Variants in PRKAR2B observed in about 807,000 individuals in gnomAD.
The protein encoded by PRKAR2B is protein kinase cAMP-dependent type II regulatory subunit beta, also known as cAMP-dependent protein kinase type II-beta regulatory subunit.
Under a neutral mutation model 49.9 loss-of-function variants are expected in PRKAR2B, and 14 were observed. The observed-to-expected ratio is 0.28, with a 90% CI of 0.19 to 0.44. The LOEUF (loss-of-function observed/expected upper bound fraction) is 0.44. Ranked by LOEUF, PRKAR2B falls within the 20% of genes least tolerant of loss-of-function variation. The pLI, the probability that PRKAR2B is intolerant of heterozygous loss-of-function variation, is 1.00. For synonymous variants in PRKAR2B, 196 were observed against 197.7 expected (o/e 0.99, Z 0.07); for missense variants, 393 against 537.9 (o/e 0.73, Z 2.67).
intron 4 of PRKAR2B, chr7:107,133,473 A>C (rs1795638734): frequency 6.6e-6 from 1 of 152,236 alleles, no homozygotes; most frequent in African/African-American, 2.4e-5. Context: ...ATATATTAGT[A>C]AATCATTTAA....
chr7:107,051,775 T>A (rs992120529), intron 1 of PRKAR2B, among the ~76,000 whole-genome samples: 21 of 152,210 alleles, frequency 1.4e-4, no homozygotes, highest in Admixed American at 1.4e-3. Flanking sequence ...GTTGCTGCTG[T>A]TTAAAAATGT....
chr7:107,150,567 A>G (rs996943843), intron 6 of PRKAR2B, among the ~76,000 whole-genome samples: 3 of 97,120 alleles, frequency 3.1e-5, no homozygotes, highest in Non-Finnish European at 6.1e-5. Context: ...AACGTAGAGT[A>G]CATAACAGAG....
intron 1 of PRKAR2B, among the ~76,000 whole-genome samples, chr7:107,061,181 CT>C (rs539868941): frequency 2.0e-4 from 30 of 148,140 alleles, no homozygotes; most frequent in East Asian, 5.9e-4. Flanking sequence ...GTAACTCTCA[CT>C]TTTTTTTTTG....
intron 2 of PRKAR2B, chr7:107,082,018 T>C (rs1794524579): frequency 6.6e-6 from 1 of 151,292 alleles, no homozygotes; most frequent in South Asian, 2.1e-4. Flanking sequence ...CAAATGCACA[T>C]AGCTTTTATT....
chr7:107,091,799 G>A (rs1295686276), intron 2 of PRKAR2B: 1 of 152,186 alleles, frequency 6.6e-6, no homozygotes, highest in Non-Finnish European at 1.5e-5. Flanking sequence ...GAATAACCTG[G>A]ACGATAGAAG....
intron 2 of PRKAR2B, among the ~76,000 whole-genome samples, chr7:107,083,694 C>A (rs1272956133): frequency 6.6e-6 from 1 of 152,078 alleles, no homozygotes; most frequent in Non-Finnish European, 1.5e-5. Context: ...CTCACTGCAA[C>A]CTCCGCCTCC....
chr7:107,071,717 G>A (rs1311074914), intron 2 of PRKAR2B, among the ~76,000 whole-genome samples: 2 of 152,122 alleles, frequency 1.3e-5, no homozygotes, highest in Admixed American at 6.5e-5. Flanking sequence ...ACCTCAAACC[G>A]TATGACATGT....
At chr7:107,147,453 C>T (rs1333317332) in intron 6 of PRKAR2B, among the ~76,000 whole-genome samples, 1 of 152,210 alleles carries the variant, frequency 6.6e-6, no homozygotes, top group Admixed American at 6.5e-5. Context: ...AAGATACATT[C>T]GGGCAATATT....
intron 2 of PRKAR2B, among the ~76,000 whole-genome samples, chr7:107,112,117 T>C (rs1795185976): frequency 7.5e-6 from 1 of 133,910 alleles, no homozygotes; most frequent in South Asian, 2.3e-4. Context: ...GAGGCTGCAG[T>C]GAGCTATGAT....
chr7:107,115,787 A>T (rs1427311220), intron 2 of PRKAR2B, among the ~76,000 whole-genome samples: 1 of 152,196 alleles, frequency 6.6e-6, no homozygotes, highest in Non-Finnish European at 1.5e-5. Flanking sequence ...TTGTAGTAAC[A>T]CTTGCACTTC....
At chr7:107,141,023 G>T (rs1795782026) in intron 5 of PRKAR2B, 70 bp downstream of exon 5, 2 of 1,100,228 alleles carry the variant, frequency 1.8e-6, no homozygotes, top group Non-Finnish European at 2.7e-6. Context: ...CATTATTACG[G>T]CAACTGACAG....
chr7:107,102,440 G>A (rs1468561789), intron 2 of PRKAR2B, among the ~76,000 whole-genome samples: 2 of 152,154 alleles, frequency 1.3e-5, no homozygotes, highest in Non-Finnish European at 2.9e-5. Context: ...CACTCTGCCT[G>A]TGGGATGGCC....
chr7:107,094,559 G>A (rs1480442109), intron 2 of PRKAR2B, among the ~76,000 whole-genome samples: 2 of 152,178 alleles, frequency 1.3e-5, no homozygotes, highest in East Asian at 1.9e-4. Flanking sequence ...TGCTTTTGGT[G>A]TTTTAGTCAT....
At chr7:107,064,565 G>C (rs1013151350) in intron 1 of PRKAR2B, among the ~76,000 whole-genome samples, 2 of 152,166 alleles carry the variant, frequency 1.3e-5, no homozygotes, top group Non-Finnish European at 2.9e-5. Flanking sequence ...CATAAGAAGT[G>C]CCTTGAGGTA....
intron 2 of PRKAR2B, among the ~76,000 whole-genome samples, chr7:107,085,168 G>A (rs918341145): frequency 8.5e-5 from 13 of 152,234 alleles, no homozygotes; most frequent in African/African-American, 3.1e-4. Flanking sequence ...AATGTTAGAT[G>A]CTCTGTGATG....
At chr7:107,060,500 C>T (rs1215504550) in intron 1 of PRKAR2B, among the ~76,000 whole-genome samples, 1 of 152,138 alleles carries the variant, frequency 6.6e-6, no homozygotes, top group Non-Finnish European at 1.5e-5. Flanking sequence ...AACATCTTTT[C>T]CTGTTCATTG....
intron 2 of PRKAR2B, among the ~76,000 whole-genome samples, chr7:107,086,093 G>T (rs74849628): frequency 1.8e-4 from 27 of 152,156 alleles, no homozygotes; most frequent in Non-Finnish European, 3.1e-4. Flanking sequence ...TTATATTTCA[G>T]TTGGCATTTC....
chr7:107,112,003 CAAAAAAAAAA>C (rs71134251), intron 2 of PRKAR2B, among the ~76,000 whole-genome samples: 4 of 46,148 alleles, frequency 8.7e-5, no homozygotes, highest in Admixed American at 3.4e-4. Flanking sequence ...CCTCCTCTAC[CAAAAAAAAAA>C]AAAAAAAAAA....
chr7:107,145,114 T>A (rs2115650638), intron 5 of PRKAR2B, among the ~76,000 whole-genome samples: 1 of 152,336 alleles, frequency 6.6e-6, no homozygotes, highest in South Asian at 2.1e-4. Context: ...TCTGAATTTC[T>A]ACTTTTTAAC....
Sources: gnomAD v4.1 joint callset for allele counts (sites outside exome capture counted in the v4.1 genomes callset) on GRCh38, gnomAD v4.1.1 for gene constraint, MANE v1.5 for transcripts, NCBI Gene and HGNC (gene_info 2026-07-23, HGNC 2026-07-21) for gene names.